The following MYO3A variants were observed in gnomAD, a reference collection of about 807,000 sequenced individuals.
MYO3A encodes myosin-IIIa.
A neutral mutation model predicts 192.7 loss-of-function variants in MYO3A; 180 were observed. The observed-to-expected ratio is 0.93, with a 90% confidence interval of 0.83 to 1.06. The LOEUF (loss-of-function observed/expected upper bound fraction) is 1.06. Among genes scored for constraint, MYO3A ranks in the 50% least tolerant of loss-of-function variants. The probability of loss-of-function intolerance (pLI) is 0.00; values close to 1 mark genes in which losing one functional copy is unlikely to be tolerated. For synonymous variants in MYO3A, 628 were observed against 645.3 expected (o/e 0.97, Z 0.41); for missense variants, 1,896 against 1,905.0 (o/e 1.00, Z 0.09).
At chr10:26,086,923 T>A (rs1294948284) in intron 14 of MYO3A, among the ~76,000 whole-genome samples, 1 of 152,194 alleles carries the variant, frequency 6.6e-6, no homozygotes, top group Non-Finnish European at 1.5e-5. Context: ...TCTGTAGATG[T>A]CAGCAAACTT....
At position 25,955,200 on chromosome 10, in the gene MYO3A, A is replaced by C; in HGVS notation, c.303+192A>C. ...AAAAAATTGAAGGAAAGCCACAAAG[A>C]CTAGTAAATATTAAAAAGAAATGAC... On this transcript the variant is annotated intron_variant, in intron 4 of 34. Coordinates refer to ENST00000642920, the MANE Select transcript of MYO3A (RefSeq NM_017433.5). Among the ~76,000 whole-genome samples the C allele has an allele frequency of 1.3e-5, 2 of 152,206 alleles. 1 individual carries two copies. Among genetic ancestry groups the C allele is most frequent in the Non-Finnish European group, 2.9e-5 (2 of 68,028 alleles).
At chr10:26,073,903 G>A (rs1835369415) in intron 14 of MYO3A, among the ~76,000 whole-genome samples, 1 of 151,908 alleles carries the variant, frequency 6.6e-6, no homozygotes, top group Non-Finnish European at 1.5e-5. Context: ...ACTGCGATGG[G>A]GATTACATGA....
At chr10:25,962,903 A>T (rs1838024574) in intron 4 of MYO3A, among the ~76,000 whole-genome samples, 1 of 152,172 alleles carries the variant, frequency 6.6e-6, no homozygotes. Context: ...GAACAACCAC[A>T]TTTTAAGTAG....
rs774273846 is a variant in MYO3A, at chr10:26,040,173, G to GTT, written c.953+13651_953+13652dup. On this transcript the variant is annotated intron_variant, in intron 10 of 34. Transcript: ENST00000642920. ...TATCATATTGGTTAACCCTTTTCCT[G>GTT]TTTTTTTTTTTAAGTACAGCTTGCT... is the stretch of plus-strand genomic sequence containing the variant. 6.7e-5 allele frequency among the ~76,000 whole-genome samples: 9 copies of GTT among 134,682 alleles called. No homozygotes were observed. The East Asian group carries it at 1.5e-3, about 23-fold the overall frequency. 88.4% of individuals were successfully genotyped at this position (134,682 alleles called of 152,430 possible). A position where few individuals can be genotyped will look rare whatever the true frequency, so the allele number is the denominator to read the frequency against.
chr10:26,083,271 T>C (rs1836089240), intron 14 of MYO3A, among the ~76,000 whole-genome samples: 1 of 152,186 alleles, frequency 6.6e-6, no homozygotes, highest in Admixed American at 6.5e-5. Context: ...ATGGATACAT[T>C]GGGCAAAGGA....
intron 28 of MYO3A, among the ~76,000 whole-genome samples, chr10:26,169,442 T>C (rs1001089275): frequency 2.6e-5 from 4 of 151,902 alleles, no homozygotes; most frequent in African/African-American, 9.7e-5. Flanking sequence ...TTCAAATTTT[T>C]TTGACTGGAT....
At chr10:26,120,364 A>G (rs146246349) in intron 17 of MYO3A, among the ~76,000 whole-genome samples, 5 of 152,334 alleles carry the variant, frequency 3.3e-5, no homozygotes, top group African/African-American at 1.2e-4. Flanking sequence ...AGATTTATCT[A>G]TGGCCTAATG....
chr10:26,039,143 C>T (rs944075840), intron 10 of MYO3A, among the ~76,000 whole-genome samples: 19 of 151,002 alleles, frequency 1.3e-4, no homozygotes, highest in Non-Finnish European at 2.4e-4. Context: ...TGGGTTCAAG[C>T]GATTCTCCTG....
chr10:26,067,473 T>C (rs116653640), intron 11 of MYO3A, among the ~76,000 whole-genome samples: 4 of 152,282 alleles, frequency 2.6e-5, no homozygotes, highest in African/African-American at 7.2e-5. Context: ...GTAACCACCA[T>C]GTGGTGGCCT....
At chr10:26,209,501 G>T (rs1438159547) in intron 34 of MYO3A, among the ~76,000 whole-genome samples, 3 of 152,010 alleles carry the variant, frequency 2.0e-5, no homozygotes, top group African/African-American at 7.3e-5. Context: ...CTCTTGAGCC[G>T]CTTCAAGGTC....
intron 10 of MYO3A, among the ~76,000 whole-genome samples, chr10:26,060,284 CATAA>C (rs1165191682): frequency 2.7e-4 from 20 of 75,302 alleles, no homozygotes; most frequent in Admixed American, 2.1e-3. Context: ...TAAATACATA[CATAA>C]ATAAATAAAT....
At chr10:26,059,218 A>C (rs532447137) in intron 10 of MYO3A, among the ~76,000 whole-genome samples, 1 of 152,226 alleles carries the variant, frequency 6.6e-6, no homozygotes, top group East Asian at 1.9e-4. Flanking sequence ...GACTTCCACT[A>C]TGATAATGAA....
chr10:26,066,871 A>T, intron 10 of MYO3A, 104 bp from the exon 11 acceptor site: 1 of 750,620 alleles, frequency 1.3e-6, no homozygotes, highest in Non-Finnish European at 2.4e-6. Flanking sequence ...CATTGAATTT[A>T]ATAAACAGAT....
Position 25,952,166 on chromosome 10 carries a change from A to G in MYO3A, c.56A>G (p.Asp19Gly). ...IIFDNFPDPS[D>G]TWEITETIGK... is the part of the protein sequence containing the mutation. ...TTTGATAACTTTCCTGATCCTTCTG[A>G]TACATGGGAAATCACTGAGACAATT... is the stretch of plus-strand genomic sequence containing the variant. The change falls in exon 3 of 35, where the codon GAT (aspartate) becomes GGT (glycine). Residue 19 changes from aspartate (D) to glycine (G), a missense_variant. Physicochemically the swap from Asp to Gly is moderately conservative, Grantham distance 94. Coordinates refer to ENST00000642920, the MANE Select transcript of MYO3A (RefSeq NM_017433.5). The G allele has an allele frequency of 6.2e-7, 1 of 1,612,446 alleles. No homozygotes were observed. The highest frequency in any genetic ancestry group is 2.2e-5 in the East Asian group (1 of 44,728).
At chr10:26,001,078 C>A (rs545435956) in intron 6 of MYO3A, among the ~76,000 whole-genome samples, 11 of 152,254 alleles carry the variant, frequency 7.2e-5, no homozygotes, top group African/African-American at 2.6e-4. Context: ...CAATCACCTC[C>A]CACCAGGTCC....
chr10:26,210,148 AAGAAAGG>A (rs1455829160), intron 34 of MYO3A, among the ~76,000 whole-genome samples: 32 of 150,836 alleles, frequency 2.1e-4, no homozygotes, highest in South Asian at 6.3e-4. Flanking sequence ...GGAAGGAAGG[AAGAAAGG>A]AAGGAAGGAA....
At chr10:25,965,463 G>A (rs1233169930) in intron 4 of MYO3A, among the ~76,000 whole-genome samples, 2 of 152,014 alleles carry the variant, frequency 1.3e-5, no homozygotes, top group Non-Finnish European at 2.9e-5. Flanking sequence ...AGGGGGAAGG[G>A]AGGGGTTTCT....
chr10:25,944,941 G>A (rs761546759), intron 2 of MYO3A, among the ~76,000 whole-genome samples: 6 of 151,718 alleles, frequency 4.0e-5, no homozygotes, highest in East Asian at 1.9e-4. Context: ...GGTTCAGTTT[G>A]CTCCTCTTAT....
chr10:26,128,351 C>T (rs1262776380), intron 19 of MYO3A, 40 bp from the exon 20 acceptor site: 1 of 1,595,186 alleles, frequency 6.3e-7, no homozygotes, highest in Non-Finnish European at 8.6e-7. Flanking sequence ...ATTACCTCTT[C>T]AGGAAATAAC....
Sources: gnomAD v4.1 joint callset for allele counts (sites outside exome capture counted in the v4.1 genomes callset) on GRCh38, gnomAD v4.1.1 for gene constraint, MANE v1.5 for transcripts, NCBI Gene and HGNC (gene_info 2026-07-23, HGNC 2026-07-21) for gene names.